Variants in PHF24 observed in about 807,000 individuals in gnomAD.
PHF24 encodes Galpha inhibitory interacting protein.
A neutral mutation model predicts 42.6 loss-of-function variants in PHF24; 25 were observed. The observed-to-expected ratio is 0.59, with a 90% confidence interval of 0.43 to 0.82. The LOEUF (loss-of-function observed/expected upper bound fraction) is 0.82, where lower values mean the gene tolerates loss of function less well. Ranked by LOEUF, PHF24 falls within the 40% of genes least tolerant of loss-of-function variation. PHF24 has a pLI of 0.00. For missense variants in PHF24, 470 were observed against 538.1 expected, an observed-to-expected ratio of 0.87 and a Z score of 1.25; for synonymous variants, 185 against 204.8, an observed-to-expected ratio of 0.90 and a Z score of 0.83.
chr9:34,872,027 A>C, the PHF24 span, among the ~76,000 whole-genome samples: 1 of 152,098 alleles, frequency 6.6e-6, no homozygotes, highest in Admixed American at 6.6e-5. Context: ...ATATCTTTCC[A>C]TTTATTTAGT....
the PHF24 span, among the ~76,000 whole-genome samples, chr9:34,758,078 G>C: frequency 1.3e-5 from 2 of 152,052 alleles, no homozygotes; most frequent in East Asian, 3.9e-4. This position sits in a 1 kb window ranked among gnomAD's most constrained non-coding sequence, Gnocchi z 4.4. Flanking sequence ...TCGCAAGTCT[G>C]CTTGGCTGGC....
the PHF24 span, among the ~76,000 whole-genome samples, chr9:34,884,767 G>A: frequency 6.6e-6 from 1 of 152,190 alleles, no homozygotes; most frequent in African/African-American, 2.4e-5. Context: ...CCTGGAGGGT[G>A]GCAAGAGGGT....
chr9:34,966,583 C>G (rs1042242803), intron 1 of PHF24, among the ~76,000 whole-genome samples: 16 of 151,830 alleles, frequency 1.1e-4, no homozygotes, highest in Non-Finnish European at 2.1e-4. Context: ...TGGCGAGACC[C>G]CCCCCCTCGC....
the PHF24 span, among the ~76,000 whole-genome samples, chr9:34,761,523 CT>C: frequency 6.6e-6 from 1 of 152,002 alleles, no homozygotes; most frequent in Non-Finnish European, 1.5e-5. Flanking sequence ...GATGAAGTAC[CT>C]TCTCAAATCT....
At chr9:34,710,031 C>T in the PHF24 span, 6 of 1,613,962 alleles carry the variant, frequency 3.7e-6, no homozygotes, top group East Asian at 1.1e-4. Context: ...AGGCCAGAAC[C>T]AGGATAAGGA....
the PHF24 span, among the ~76,000 whole-genome samples, chr9:34,767,562 G>A: frequency 3.3e-5 from 5 of 152,232 alleles, no homozygotes; most frequent in East Asian, 1.9e-4. Flanking sequence ...TCGGAAAGGC[G>A]CAGTATTAGG....
At chr9:34,893,209 A>G in the PHF24 span, 1 of 472,348 alleles carries the variant, frequency 2.1e-6, no homozygotes, top group Non-Finnish European at 3.7e-6. Flanking sequence ...CTTCTCGGAA[A>G]AGTGTGGGCC....
the PHF24 span, among the ~76,000 whole-genome samples, chr9:34,696,450 T>C: frequency 1.4e-5 from 2 of 144,768 alleles, no homozygotes; most frequent in African/African-American, 5.2e-5. Flanking sequence ...ATCATGCCAT[T>C]GCACTCCAGG....
chr9:34,725,810 G>A, the PHF24 span: 2 of 1,549,528 alleles, frequency 1.3e-6, no homozygotes, highest in Non-Finnish European at 1.7e-6. Flanking sequence ...GAGCAGTTGG[G>A]GGAAGGAGAG....
At chr9:34,725,686 C>T in the PHF24 span, 65 of 1,518,980 alleles carry the variant, frequency 4.3e-5, no homozygotes, top group Middle Eastern at 8.5e-4. Flanking sequence ...AGGCTTCATA[C>T]TCAGCCAGAG....
the PHF24 span, among the ~76,000 whole-genome samples, chr9:34,883,189 C>G: frequency 6.6e-6 from 1 of 152,156 alleles, no homozygotes; most frequent in Non-Finnish European, 1.5e-5. Context: ...GGATCCCTTC[C>G]TTACACCTTA....
At chr9:34,744,135 T>G in the PHF24 span, among the ~76,000 whole-genome samples, 1 of 152,162 alleles carries the variant, frequency 6.6e-6, no homozygotes, top group East Asian at 1.9e-4. Context: ...GGGAGGCACA[T>G]TCAAACCATA....
chr9:34,831,058 T>G, the PHF24 span, among the ~76,000 whole-genome samples: 1 of 152,240 alleles, frequency 6.6e-6, no homozygotes, highest in East Asian at 1.9e-4. Flanking sequence ...AATTGTAGAT[T>G]TGTGGTCACT....
chr9:34,933,608 C>T, the PHF24 span, among the ~76,000 whole-genome samples: 1 of 151,278 alleles, frequency 6.6e-6, no homozygotes, highest in African/African-American at 2.4e-5. Context: ...ACCTGTAGTC[C>T]CAGCTACTCA....
chr9:34,687,774 G>A, the PHF24 span, among the ~76,000 whole-genome samples: 1 of 152,190 alleles, frequency 6.6e-6, no homozygotes, highest in Non-Finnish European at 1.5e-5. Flanking sequence ...CCCCTCCCAT[G>A]TGTGTTTGTC....
the PHF24 span, among the ~76,000 whole-genome samples, chr9:34,849,430 C>CT: frequency 1.3e-5 from 2 of 151,434 alleles, no homozygotes; most frequent in Non-Finnish European, 2.9e-5. Flanking sequence ...CAACCCCTGC[C>CT]TTTTTTTGTT....
At chr9:34,674,927 C>T in the PHF24 span, among the ~76,000 whole-genome samples, 1 of 152,122 alleles carries the variant, frequency 6.6e-6, no homozygotes, top group Admixed American at 6.5e-5. Flanking sequence ...AATGCAGTGG[C>T]GTGATCTCGG....
chr9:34,848,002 C>T, the PHF24 span, among the ~76,000 whole-genome samples: 2 of 151,938 alleles, frequency 1.3e-5, no homozygotes, highest in Non-Finnish European at 1.5e-5. Flanking sequence ...TTCGGTTTGC[C>T]AGTATTTTAT....
chr9:34,981,436 C>T (rs549467663), exon 8 of PHF24: 13 of 152,490 alleles, frequency 8.5e-5, no homozygotes, highest in African/African-American at 3.1e-4. Context: ...GGTTTCACAG[C>T]TTCAGTCAGA....
Sources: gnomAD v4.1 joint callset for allele counts (sites outside exome capture counted in the v4.1 genomes callset) on GRCh38, gnomAD v4.1.1 for gene constraint, Gnocchi (gnomAD v3.1) non-coding constraint, MANE v1.5 for transcripts, NCBI Gene and HGNC (gene_info 2026-07-23, HGNC 2026-07-21) for gene names.